Variants in CNTN5 observed in about 807,000 individuals in gnomAD.
The protein encoded by CNTN5 is contactin 5.
In CNTN5, 77 loss-of-function variants were observed where a neutral mutation model predicts 129.1. The observed-to-expected ratio is 0.60, with a 90% confidence interval of 0.50 to 0.72. The LOEUF (loss-of-function observed/expected upper bound fraction) is 0.72. Among genes scored for constraint, CNTN5 ranks in the 30% least tolerant of loss-of-function variants. The probability of loss-of-function intolerance (pLI) is 0.00; values close to 1 mark genes in which losing one functional copy is unlikely to be tolerated. For synonymous variants in CNTN5, 509 were observed against 465.6 expected (o/e 1.09, Z -1.20); for missense variants, 1,478 against 1,328.8 (o/e 1.11, Z -1.75).
chr11:99,473,129 C>T (rs1262263826), intron 2 of CNTN5, among the ~76,000 whole-genome samples: 1 of 151,996 alleles, frequency 6.6e-6, no homozygotes, highest in African/African-American at 2.4e-5. Flanking sequence ...AGGGCTAGTT[C>T]TTATACTAGA....
At chr11:99,505,604 C>G (rs1047613123) in intron 2 of CNTN5, among the ~76,000 whole-genome samples, 1 of 152,160 alleles carries the variant, frequency 6.6e-6, no homozygotes, top group African/African-American at 2.4e-5. Flanking sequence ...TTTGGGAAAT[C>G]TTGTGGTATT....
chr11:100,084,465 G>T (rs759611982), intron 13 of CNTN5, among the ~76,000 whole-genome samples: 2 of 152,076 alleles, frequency 1.3e-5, no homozygotes, highest in African/African-American at 4.8e-5. Context: ...CTTCTTTTCA[G>T]ATTTTGCATA....
chr11:100,241,215 T>C (rs1330216409), intron 16 of CNTN5, among the ~76,000 whole-genome samples: 1 of 152,214 alleles, frequency 6.6e-6, no homozygotes, highest in Non-Finnish European at 1.5e-5. Flanking sequence ...TTGTAATTAT[T>C]CGTACCAGTT....
At chr11:99,188,927 T>C (rs752856487) in intron 1 of CNTN5, among the ~76,000 whole-genome samples, 9 of 151,732 alleles carry the variant, frequency 5.9e-5, no homozygotes, top group Non-Finnish European at 1.2e-4. Context: ...ATCATCATGT[T>C]GTACAATAGA....
intron 2 of CNTN5, among the ~76,000 whole-genome samples, chr11:99,400,707 G>C (rs968213105): frequency 6.6e-6 from 1 of 152,026 alleles, no homozygotes. Flanking sequence ...TAGCATACAA[G>C]GGTTGCCTTT....
chr11:99,518,812 AC>A (rs1454640414), intron 2 of CNTN5, among the ~76,000 whole-genome samples: 5 of 151,964 alleles, frequency 3.3e-5, no homozygotes, highest in Admixed American at 2.0e-4. Context: ...GTCTCTTAAA[AC>A]TTTTACATTG....
intron 3 of CNTN5, among the ~76,000 whole-genome samples, chr11:99,779,424 C>A (rs1018096790): frequency 2.0e-5 from 3 of 151,828 alleles, no homozygotes; most frequent in African/African-American, 7.3e-5. Flanking sequence ...ACTTGTAGAG[C>A]CAAATAGACT....
intron 13 of CNTN5, among the ~76,000 whole-genome samples, chr11:100,128,850 T>C (rs1207886001): frequency 6.6e-6 from 1 of 152,036 alleles, no homozygotes; most frequent in Non-Finnish European, 1.5e-5. Context: ...CTACCAGGGT[T>C]GATATAAAAT....
chr11:99,851,465 T>C (rs1488726506), intron 6 of CNTN5, among the ~76,000 whole-genome samples: 1 of 152,182 alleles, frequency 6.6e-6, no homozygotes, highest in Non-Finnish European at 1.5e-5. Flanking sequence ...GAATACACCA[T>C]ATAAAACTTT....
intron 21 of CNTN5, among the ~76,000 whole-genome samples, chr11:100,317,189 C>G (rs1436856146): frequency 6.6e-6 from 1 of 152,184 alleles, no homozygotes. Flanking sequence ...ATTTTATGAT[C>G]TGACTCTAAT....
intron 20 of CNTN5, among the ~76,000 whole-genome samples, chr11:100,307,648 T>C (rs1951383016): frequency 6.6e-6 from 1 of 151,708 alleles, no homozygotes; most frequent in Non-Finnish European, 1.5e-5. Context: ...ATGCATGCCT[T>C]TTAAATATCA....
At chr11:99,282,838 G>A (rs117442426) in intron 1 of CNTN5, among the ~76,000 whole-genome samples, 4,105 of 152,166 alleles carry the variant, frequency 0.027, 84 homozygotes, top group Non-Finnish European at 0.04. Context: ...AGTAATGTCA[G>A]ACCTGGGAGT....
intron 1 of CNTN5, among the ~76,000 whole-genome samples, chr11:99,285,801 G>A (rs1264421133): frequency 6.6e-6 from 1 of 151,964 alleles, no homozygotes; most frequent in African/African-American, 2.4e-5. Context: ...ACTTTGGGAG[G>A]CCAATGCAGG....
chr11:99,679,217 G>C (rs1443802003), intron 3 of CNTN5, among the ~76,000 whole-genome samples: 2 of 147,716 alleles, frequency 1.4e-5, no homozygotes, highest in Admixed American at 6.8e-5. Flanking sequence ...TATATAAAGA[G>C]ATTATATGTA....
chr11:100,241,053 G>A (rs1329611038), intron 16 of CNTN5, among the ~76,000 whole-genome samples: 1 of 152,058 alleles, frequency 6.6e-6, no homozygotes, highest in Non-Finnish European at 1.5e-5. Flanking sequence ...GTACAAACAT[G>A]GTACTTTCCA....
At chr11:100,208,608 C>T (rs1459700134) in intron 15 of CNTN5, among the ~76,000 whole-genome samples, 2 of 152,178 alleles carry the variant, frequency 1.3e-5, no homozygotes, top group African/African-American at 2.4e-5. Context: ...AAATAGGCTC[C>T]ACCTCTGGTT....
intron 23 of CNTN5, among the ~76,000 whole-genome samples, chr11:100,344,503 T>TG (rs1290932315): frequency 2.0e-5 from 3 of 151,510 alleles, no homozygotes; most frequent in Non-Finnish European, 4.4e-5. Context: ...GAAAGGAGAG[T>TG]GAGGAACAAA....
intron 3 of CNTN5, among the ~76,000 whole-genome samples, chr11:99,693,384 A>G (rs1246735278): frequency 6.6e-6 from 1 of 152,116 alleles, no homozygotes; most frequent in Non-Finnish European, 1.5e-5. Context: ...ATAGAAATAA[A>G]TGTGAAATTA....
At chr11:99,148,704 T>C (rs995143766) in intron 1 of CNTN5, among the ~76,000 whole-genome samples, 4 of 152,116 alleles carry the variant, frequency 2.6e-5, no homozygotes, top group African/African-American at 9.7e-5. Flanking sequence ...ATGTAGGGAT[T>C]CAAAGTACAG....
Sources: allele counts gnomAD v4.1 joint callset (sites outside exome capture counted in the v4.1 genomes callset), GRCh38; gene constraint gnomAD v4.1.1; transcripts MANE v1.5; gene names NCBI Gene and HGNC (gene_info 2026-07-23, HGNC 2026-07-21).